The following ZFTRAF1 variants were observed in gnomAD, a reference collection of about 807,000 sequenced individuals.
The protein encoded by ZFTRAF1 is zinc finger TRAF-type and ring finger containing 1, also known as zinc finger TRAF-type-containing protein 1.
At chr8:144,462,267 C>A in the ZFTRAF1 span, 2 of 557,582 alleles carry the variant, frequency 3.6e-6, no homozygotes, top group South Asian at 3.9e-5. Context: ...GGGTCGGGGT[C>A]GGCCGGCGGC....
the ZFTRAF1 span, chr8:144,450,463 G>A: frequency 1.4e-6 from 1 of 718,232 alleles, no homozygotes; most frequent in Non-Finnish European, 2.6e-6. Context: ...AGTCAATGAT[G>A]GGCAGTGGCA....
the ZFTRAF1 span, chr8:144,451,391 G>GGCCACA: frequency 5.8e-5 from 9 of 154,114 alleles, no homozygotes; most frequent in East Asian, 1.9e-4. Context: ...ACCTGGCCAC[G>GGCCACA]GCCACAGCCA....
At chr8:144,452,086 A>G in the ZFTRAF1 span, 492,486 of 504,494 alleles carry the variant, frequency 0.98, 241,237 homozygotes, top group Non-Finnish European at 1. Context: ...CCTTGCAGGG[A>G]TGGTGAAGCC....
the ZFTRAF1 span, among the ~76,000 whole-genome samples, chr8:144,460,136 G>A: frequency 6.6e-6 from 1 of 152,208 alleles, no homozygotes; most frequent in Non-Finnish European, 1.5e-5. Context: ...CCCGCCGGAG[G>A]TGTTCTTCGC....
chr8:144,462,023 C>G, the ZFTRAF1 span, among the ~76,000 whole-genome samples: 4 of 152,148 alleles, frequency 2.6e-5, no homozygotes, highest in African/African-American at 9.7e-5. Context: ...ACAAGCGATT[C>G]AGATCGGGAA....
chr8:144,461,094 C>T, the ZFTRAF1 span, among the ~76,000 whole-genome samples: 1 of 152,120 alleles, frequency 6.6e-6, no homozygotes, highest in African/African-American at 2.4e-5. Flanking sequence ...TGCCCTCTCC[C>T]CACCCAGGCA....
At chr8:144,452,390 G>A in the ZFTRAF1 span, 1 of 1,550,016 alleles carries the variant, frequency 6.5e-7, no homozygotes, top group Non-Finnish European at 8.7e-7. Flanking sequence ...AGCTGAGCAG[G>A]CTGAAGATGC....
At chr8:144,458,082 G>A in the ZFTRAF1 span, among the ~76,000 whole-genome samples, 7,643 of 152,330 alleles carry the variant, frequency 0.05, 636 homozygotes, top group African/African-American at 0.17. Flanking sequence ...TGCACCCCGC[G>A]TGCTCGGCCC....
chr8:144,460,603 C>A, the ZFTRAF1 span, among the ~76,000 whole-genome samples: 1 of 152,242 alleles, frequency 6.6e-6, no homozygotes, highest in Non-Finnish European at 1.5e-5. Context: ...AAAGTTCTGG[C>A]CAAGCGCAGT....
the ZFTRAF1 span, chr8:144,462,427 C>T: frequency 5.0e-5 from 16 of 316,958 alleles, 1 homozygote; most frequent in East Asian, 2.1e-4. Flanking sequence ...GCTTCTTGGG[C>T]GGCGCGTCGG....
the ZFTRAF1 span, among the ~76,000 whole-genome samples, chr8:144,461,199 C>T: frequency 1.3e-5 from 2 of 152,350 alleles, no homozygotes; most frequent in Admixed American, 6.5e-5. Context: ...CCTACACCAC[C>T]TGCTACAAAA....
chr8:144,456,486 C>T, the ZFTRAF1 span: 69 of 152,680 alleles, frequency 4.5e-4, no homozygotes, highest in African/African-American at 1.6e-3. Context: ...TGGCGTGGGC[C>T]AAGGCCCCCA....
chr8:144,451,999 AG>A, the ZFTRAF1 span: 2 of 347,734 alleles, frequency 5.8e-6, no homozygotes, highest in South Asian at 5.1e-5. Context: ...CCTAGCTCCC[AG>A]GCCCCCTGAG....
the ZFTRAF1 span, chr8:144,454,483 A>G: frequency 6.6e-6 from 1 of 152,332 alleles, no homozygotes; most frequent in African/African-American, 2.4e-5. Flanking sequence ...CCTCCCACCC[A>G]AAGACTCTTA....
At chr8:144,461,775 G>A in the ZFTRAF1 span, among the ~76,000 whole-genome samples, 24 of 152,324 alleles carry the variant, frequency 1.6e-4, no homozygotes, top group Middle Eastern at 3.4e-3. Flanking sequence ...CACCCAGGAG[G>A]GTAGAAAAGG....
chr8:144,457,452 G>A, the ZFTRAF1 span: 1 of 152,198 alleles, frequency 6.6e-6, no homozygotes, highest in Non-Finnish European at 1.5e-5. Flanking sequence ...CACCACCTTG[G>A]GCAGCCATGG....
At chr8:144,457,526 A>T in the ZFTRAF1 span, 2 of 152,156 alleles carry the variant, frequency 1.3e-5, no homozygotes, top group Non-Finnish European at 1.5e-5. Context: ...ATGCTGATAC[A>T]CACAGGTGGC....
the ZFTRAF1 span, chr8:144,462,313 G>A: frequency 2.5e-5 from 15 of 599,714 alleles, 1 homozygote; most frequent in South Asian, 1.0e-4. Context: ...GCAGGTCCAG[G>A]CACACGGTGC....
the ZFTRAF1 span, chr8:144,452,027 G>A: frequency 2.6e-6 from 1 of 391,920 alleles, no homozygotes; most frequent in Non-Finnish European, 4.9e-6. Context: ...CCACTTTCTG[G>A]TTAGACCCTG....
Sources: gnomAD v4.1 joint callset for allele counts (sites outside exome capture counted in the v4.1 genomes callset) on GRCh38, gnomAD v4.1.1 for gene constraint, MANE v1.5 for transcripts, NCBI Gene and HGNC (gene_info 2026-07-23, HGNC 2026-07-21) for gene names.